LOC128462377: variants seen among roughly 807,000 people sequenced by gnomAD.
At chr16:89,328,231 T>C in the LOC128462377 span, among the ~76,000 whole-genome samples, 1 of 152,160 alleles carries the variant, frequency 6.6e-6, no homozygotes, top group Non-Finnish European at 1.5e-5. Flanking sequence ...AAGCTGGAAC[T>C]CTCTCGCTTG....
the LOC128462377 span, among the ~76,000 whole-genome samples, chr16:89,381,680 C>T: frequency 6.6e-6 from 1 of 152,208 alleles, no homozygotes; most frequent in Non-Finnish European, 1.5e-5. Flanking sequence ...ACCTTCAGAA[C>T]TCTCATCAGG....
At chr16:89,411,897 C>G in the LOC128462377 span, among the ~76,000 whole-genome samples, 8 of 151,722 alleles carry the variant, frequency 5.3e-5, no homozygotes, top group African/African-American at 1.7e-4. Context: ...CATGTTCCAT[C>G]CCTCCCCTCA....
chr16:89,337,696 TC>T, the LOC128462377 span, among the ~76,000 whole-genome samples: 2 of 152,220 alleles, frequency 1.3e-5, no homozygotes, highest in East Asian at 3.9e-4. Context: ...CGCCTCGGCC[TC>T]CCAAAGTGCT....
chr16:89,373,790 G>T, the LOC128462377 span, among the ~76,000 whole-genome samples: 1 of 152,170 alleles, frequency 6.6e-6, no homozygotes, highest in African/African-American at 2.4e-5. Flanking sequence ...CAGCACCCAG[G>T]GACACCTGAC....
chr16:89,390,498 C>T, the LOC128462377 span, among the ~76,000 whole-genome samples: 1 of 152,186 alleles, frequency 6.6e-6, no homozygotes, highest in Non-Finnish European at 1.5e-5. Context: ...GGAATAAAGC[C>T]TGAACATTTC....
At chr16:89,392,382 G>A in the LOC128462377 span, 1 of 152,228 alleles carries the variant, frequency 6.6e-6, no homozygotes, top group African/African-American at 2.4e-5. Context: ...TTCATTACCT[G>A]TATAAGGGAG....
At chr16:89,329,491 G>C in the LOC128462377 span, among the ~76,000 whole-genome samples, 15 of 152,158 alleles carry the variant, frequency 9.9e-5, 1 homozygote, top group Non-Finnish European at 1.5e-4. Flanking sequence ...TTCCCCAACG[G>C]TATACGTTTC....
At chr16:89,364,821 T>C in the LOC128462377 span, among the ~76,000 whole-genome samples, 2 of 152,296 alleles carry the variant, frequency 1.3e-5, no homozygotes, top group African/African-American at 4.8e-5. Context: ...AAGTGGAAGC[T>C]TGCTCAGCAC....
At chr16:89,407,336 G>A in the LOC128462377 span, among the ~76,000 whole-genome samples, 7 of 152,168 alleles carry the variant, frequency 4.6e-5, no homozygotes, top group African/African-American at 1.7e-4. Context: ...AGGAAAAGAT[G>A]AATAGATGAT....
the LOC128462377 span, among the ~76,000 whole-genome samples, chr16:89,337,538 G>A: frequency 7.3e-6 from 1 of 136,618 alleles, no homozygotes; most frequent in South Asian, 2.4e-4. Flanking sequence ...CCGGGTTCAC[G>A]CCATTCTCCT....
At chr16:89,342,528 C>T in the LOC128462377 span, among the ~76,000 whole-genome samples, 3 of 152,344 alleles carry the variant, frequency 2.0e-5, no homozygotes, top group East Asian at 3.9e-4. Flanking sequence ...CTGCGGCCTG[C>T]GTGGCTCTCT....
At chr16:89,398,069 C>T in the LOC128462377 span, among the ~76,000 whole-genome samples, 22 of 151,468 alleles carry the variant, frequency 1.5e-4, no homozygotes, top group East Asian at 1.9e-4. Flanking sequence ...AATCTGGTGA[C>T]GCTGTGAAAC....
the LOC128462377 span, among the ~76,000 whole-genome samples, chr16:89,364,309 G>C: frequency 9.2e-5 from 14 of 152,136 alleles, no homozygotes; most frequent in Non-Finnish European, 1.9e-4. Context: ...ATGACCAGCA[G>C]AAAACCACCA....
chr16:89,333,650 A>T, the LOC128462377 span, among the ~76,000 whole-genome samples: 1 of 152,154 alleles, frequency 6.6e-6, no homozygotes, highest in African/African-American at 2.4e-5. Flanking sequence ...GCTTTCACTC[A>T]GGCCTGGCAG....
At chr16:89,349,134 T>TTA in the LOC128462377 span, among the ~76,000 whole-genome samples, 2 of 16,578 alleles carry the variant, frequency 1.2e-4, no homozygotes, top group African/African-American at 5.6e-4. Flanking sequence ...TCTCAAAAAG[T>TTA]AAAAAAAAAA....
At chr16:89,394,209 CACG>C in the LOC128462377 span, among the ~76,000 whole-genome samples, 31 of 152,330 alleles carry the variant, frequency 2.0e-4, no homozygotes, top group African/African-American at 7.5e-4. Context: ...TGCTTCCCTC[CACG>C]ACATGGGCAC....
chr16:89,352,095 T>C, the LOC128462377 span, among the ~76,000 whole-genome samples: 2 of 151,434 alleles, frequency 1.3e-5, no homozygotes, highest in Non-Finnish European at 2.9e-5. Context: ...TTCAACATGT[T>C]GGTCAGATTG....
chr16:89,350,106 A>G, the LOC128462377 span, among the ~76,000 whole-genome samples: 2 of 152,308 alleles, frequency 1.3e-5, no homozygotes, highest in Admixed American at 1.3e-4. Flanking sequence ...GACAAGCAAC[A>G]TCATTTGTCA....
chr16:89,387,706 A>G, the LOC128462377 span, among the ~76,000 whole-genome samples: 1 of 147,258 alleles, frequency 6.8e-6, no homozygotes, highest in African/African-American at 2.5e-5. Context: ...AAAAAAAAAA[A>G]AAAAGACTGT....
Sources: gnomAD v4.1 joint callset for allele counts (sites outside exome capture counted in the v4.1 genomes callset) on GRCh38, gnomAD v4.1.1 for gene constraint, MANE v1.5 for transcripts.